Variants in SEMA6A observed in about 807,000 individuals in gnomAD.
SEMA6A encodes the protein semaphorin 6A.
A neutral mutation model predicts 96.8 loss-of-function variants in SEMA6A; 25 were observed. That is an observed-to-expected ratio of 0.26 (90% CI 0.19 to 0.36). The LOEUF is 0.36. SEMA6A is among the 10% of genes least tolerant of loss of function. The pLI is 1.00. For missense variants in SEMA6A, 1,363 were observed against 1,323.1 expected, an observed-to-expected ratio of 1.03 and a Z score of -0.47; for synonymous variants, 612 against 518.0, an observed-to-expected ratio of 1.18 and a Z score of -2.46.
intron 1 of SEMA6A, among the ~76,000 whole-genome samples, chr5:116,542,284 A>G (rs1028564522): frequency 2.0e-5 from 3 of 152,196 alleles, no homozygotes; most frequent in African/African-American, 7.2e-5. Context: ...TAGTGTTTAT[A>G]TAAGTTAGAA....
At chr5:116,496,426 T>G (rs553546660) in intron 4 of SEMA6A, 113 bp from the exon 5 acceptor site, 1 of 759,324 alleles carries the variant, frequency 1.3e-6, no homozygotes, top group African/African-American at 1.8e-5. Flanking sequence ...ATTGAAAGCT[T>G]TCTGCACCCT....
At chr5:116,562,987 G>A (rs1004078750) in intron 1 of SEMA6A, 1 of 566,448 alleles carries the variant, frequency 1.8e-6, no homozygotes. Flanking sequence ...CCGCAGGAAG[G>A]GGGGTCGCCG....
chr5:116,491,751 G>A lies in SEMA6A; in HGVS notation c.524C>T (p.Ala175Val), dbSNP rs762019873. The change falls in exon 7 of 19, where the codon GCA (alanine) becomes GTA (valine). Residue 175 changes from alanine to valine, a missense_variant. Transcript: ENST00000343348. Reference sequence around the variant, plus strand: ...ATCAGGTCGCTTACCTGCAAACAGTGCAACGTTGGCATGTTTGGCATCATA... The same window carrying A: ...ATCAGGTCGCTTACCTGCAAACAGTACAACGTTGGCATGTTTGGCATCATA... The part of the protein sequence containing the change: ...CPYDAKHANV[A>V]LFADGKLYSA... 3 of 1,613,316 alleles carry A rather than the reference G, an allele frequency of 1.9e-6. No individual in the cohort carries two copies. The African/African-American group carries it at 4.0e-5, about 22-fold the overall frequency.
chr5:116,473,277 A>G (rs1035188089), intron 16 of SEMA6A, among the ~76,000 whole-genome samples, 184 bp from the exon 17 acceptor site: 3 of 152,212 alleles, frequency 2.0e-5, no homozygotes, highest in African/African-American at 7.2e-5. Flanking sequence ...TCTCACCTCC[A>G]TATCTCTTCC....
chr5:116,449,454 C>A, intron 18 of SEMA6A: 1 of 669,670 alleles, frequency 1.5e-6, no homozygotes, highest in Middle Eastern at 2.4e-4. Context: ...CCTTCCCAAG[C>A]CCACAACACG....
chr5:116,551,416 GGA>G (rs1360465385), intron 1 of SEMA6A, among the ~76,000 whole-genome samples: 1 of 151,600 alleles, frequency 6.6e-6, no homozygotes, highest in Non-Finnish European at 1.5e-5. Context: ...AGATTTGGGG[GGA>G]AATATAAAAA....
intron 10 of SEMA6A, 139 bp downstream of exon 10, chr5:116,486,610 T>G (rs1757060932): frequency 3.0e-6 from 2 of 662,388 alleles, no homozygotes; most frequent in African/African-American, 3.6e-5. Context: ...TGATGAAAAC[T>G]AAGTGTTAAG....
intron 1 of SEMA6A, among the ~76,000 whole-genome samples, chr5:116,549,851 A>C (rs1213090300): frequency 6.6e-6 from 1 of 152,202 alleles, no homozygotes; most frequent in Non-Finnish European, 1.5e-5. Flanking sequence ...AACGATACTT[A>C]TGCACTTTCA....
intron 1 of SEMA6A, among the ~76,000 whole-genome samples, chr5:116,572,440 C>T (rs1761258340): frequency 6.6e-6 from 1 of 152,258 alleles, no homozygotes; most frequent in Non-Finnish European, 1.5e-5. Flanking sequence ...CCTGGAAGTG[C>T]TTGCCCCGGC....
chr5:116,538,802 C>G (rs1420103467), intron 1 of SEMA6A, among the ~76,000 whole-genome samples: 192 of 152,260 alleles, frequency 1.3e-3, no homozygotes, highest in African/African-American at 4.3e-3. Context: ...TTGTCACCAT[C>G]ACCATCATCA....
chr5:116,468,535 A>G (rs1463954945), intron 17 of SEMA6A: 2 of 152,232 alleles, frequency 1.3e-5, no homozygotes, highest in African/African-American at 2.4e-5. Flanking sequence ...CAGATAAGCT[A>G]CCATAGGATA....
chr5:116,498,320 TCC>T (rs1048958709), intron 3 of SEMA6A: 2 of 152,146 alleles, frequency 1.3e-5, no homozygotes, highest in African/African-American at 4.8e-5. Flanking sequence ...GGACCTCGTC[TCC>T]CATACAGACT....
At chr5:116,545,168 C>A (rs1030331304) in intron 1 of SEMA6A, among the ~76,000 whole-genome samples, 7 of 152,208 alleles carry the variant, frequency 4.6e-5, no homozygotes, top group African/African-American at 1.7e-4. Flanking sequence ...TGGCTCATAT[C>A]CCTGCTCTCT....
At chr5:116,497,480 G>GC in intron 3 of SEMA6A, 93 bp from the exon 4 acceptor site, 1 of 695,440 alleles carries the variant, frequency 1.4e-6, no homozygotes, top group Non-Finnish European at 2.4e-6. Flanking sequence ...GGGCAGATAA[G>GC]CCCATATCCA....
At chr5:116,505,457 GCGCA>G (rs60347473) in intron 1 of SEMA6A, among the ~76,000 whole-genome samples, 12,459 of 143,642 alleles carry the variant, frequency 0.087, 1,285 homozygotes, top group African/African-American at 0.26. Flanking sequence ...ACACACGCAC[GCGCA>G]CACACACACA....
At chr5:116,489,561 G>A (rs1287522278) in intron 7 of SEMA6A, among the ~76,000 whole-genome samples, 1 of 152,216 alleles carries the variant, frequency 6.6e-6, no homozygotes, top group South Asian at 2.1e-4. Flanking sequence ...TTGACCTCAG[G>A]CTTGACAGTT....
intron 1 of SEMA6A, among the ~76,000 whole-genome samples, chr5:116,549,733 T>C (rs73256745): frequency 0.062 from 9,451 of 152,250 alleles, 629 homozygotes; most frequent in African/African-American, 0.16. Context: ...ATACTCTTTA[T>C]ACAAAATTCA....
chr5:116,473,218 CT>C (rs1363000951), intron 16 of SEMA6A, 125 bp from the exon 17 acceptor site: 2 of 883,380 alleles, frequency 2.3e-6, no homozygotes, highest in Non-Finnish European at 3.5e-6. Context: ...TAAGTAAGTG[CT>C]TTTTAATTTC....
chr5:116,526,650 A>C (rs535439447), intron 1 of SEMA6A, among the ~76,000 whole-genome samples: 1 of 152,332 alleles, frequency 6.6e-6, no homozygotes, highest in East Asian at 1.9e-4. Context: ...AGGGGCTTAT[A>C]TTACTTACTT....
Sources: gnomAD v4.1 joint callset for allele counts (sites outside exome capture counted in the v4.1 genomes callset) on GRCh38, gnomAD v4.1.1 for gene constraint, MANE v1.5 for transcripts, NCBI Gene and HGNC (gene_info 2026-07-23, HGNC 2026-07-21) for gene names.